FAM117B: variants seen among roughly 807,000 people sequenced by gnomAD.
FAM117B encodes the protein family with sequence similarity 117 member B, also known as protein FAM117B.
A neutral mutation model predicts 52.8 loss-of-function variants in FAM117B; 22 were observed. The observed-to-expected ratio is 0.42, with a 90% CI of 0.30 to 0.59. The LOEUF (loss-of-function observed/expected upper bound fraction) is 0.59, where lower values mean the gene tolerates loss of function less well. Ranked by LOEUF, FAM117B falls within the 20% of genes least tolerant of loss-of-function variation. FAM117B has a pLI of 0.22. For synonymous variants in FAM117B, 309 were observed against 324.1 expected (o/e 0.95, Z 0.50); for missense variants, 678 against 802.6 (o/e 0.84, Z 1.88).
intron 1 of FAM117B, among the ~76,000 whole-genome samples, chr2:202,688,011 A>G (rs1289671714): frequency 6.6e-6 from 1 of 152,174 alleles, no homozygotes; most frequent in Non-Finnish European, 1.5e-5. Flanking sequence ...GTGGAAATTC[A>G]TTTTTTCCTA....
At chr2:202,747,524 C>G (rs1691652607) in intron 4 of FAM117B, among the ~76,000 whole-genome samples, 1 of 151,950 alleles carries the variant, frequency 6.6e-6, no homozygotes, top group Non-Finnish European at 1.5e-5. Flanking sequence ...AAAACCTACC[C>G]ATTCCAATTT....
At chr2:202,755,408 ACT>A in intron 4 of FAM117B, 128 bp from the exon 5 acceptor site, 2 of 1,073,746 alleles carry the variant, frequency 1.9e-6, no homozygotes, top group Non-Finnish European at 2.7e-6. Context: ...AGGTTTGGTC[ACT>A]CACACTTTTT....
At chr2:202,671,711 T>C (rs1305171725) in intron 1 of FAM117B, among the ~76,000 whole-genome samples, 8 of 152,262 alleles carry the variant, frequency 5.3e-5, no homozygotes, top group Admixed American at 5.2e-4. Flanking sequence ...AAAATTCCCA[T>C]ATATTGGTAG....
intron 2 of FAM117B, among the ~76,000 whole-genome samples, chr2:202,708,336 T>G (rs1469099604): frequency 6.6e-6 from 1 of 152,232 alleles, no homozygotes; most frequent in African/African-American, 2.4e-5. Flanking sequence ...TTTTTGTGGC[T>G]GACTTATTTC....
intron 4 of FAM117B, among the ~76,000 whole-genome samples, chr2:202,744,452 A>G (rs554574638): frequency 6.6e-6 from 1 of 152,188 alleles, no homozygotes; most frequent in South Asian, 2.1e-4. Context: ...ATCTGCCTCC[A>G]TGTCCCAAAC....
At position 202,755,461 on chromosome 2, in the gene FAM117B, G is replaced by A. The variant is rs1294874813; in HGVS notation, c.961-77G>A. The stretch of plus-strand genomic sequence containing the variant: ...TTTGATTTATTTTTGAGTTACTTAT[G>A]TCTGTTGGAATTACGCTTCAGCCTA... On this transcript the variant is annotated intron_variant, in intron 4 of 7. Coordinates refer to ENST00000392238, the MANE Select transcript of FAM117B (RefSeq NM_173511.4). The A allele has an allele frequency of 2.0e-6, 3 of 1,534,716 alleles. No homozygotes were observed. The Admixed American group carries it at 5.7e-5, about 29-fold the overall frequency.
chr2:202,682,237 C>T (rs1451896201), intron 1 of FAM117B, among the ~76,000 whole-genome samples: 23 of 152,182 alleles, frequency 1.5e-4, no homozygotes, highest in Admixed American at 1.3e-3. Flanking sequence ...TCAGATGCCA[C>T]GAATGTGGGT....
chr2:202,697,549 C>CT (rs555378964), intron 2 of FAM117B, among the ~76,000 whole-genome samples: 1,545 of 137,434 alleles, frequency 0.011, 25 homozygotes, highest in African/African-American at 0.036. Flanking sequence ...TTTTTTCTTT[C>CT]TTTTTTTTTT....
rs763129785 is a variant in FAM117B, at chr2:202,726,244, T to C, written c.847-6T>C. Reference sequence around the variant, plus strand: ...TCTGGTGTACTTGCTATTTTTGCTTTCTCAGATTGCAAAATTACGCCAGCA... The same window carrying C: ...TCTGGTGTACTTGCTATTTTTGCTTCCTCAGATTGCAAAATTACGCCAGCA... On this transcript the variant is annotated splice_region_variant and splice_polypyrimidine_tract_variant and intron_variant, in intron 3 of 7. Transcript: ENST00000392238. The C allele has an allele frequency of 6.2e-7, 1 of 1,609,748 alleles. No individual in the cohort carries two copies. The highest frequency in any genetic ancestry group is 2.2e-5 in the East Asian group (1 of 44,774).
chr2:202,764,823 T>C (rs1376750125), intron 7 of FAM117B, among the ~76,000 whole-genome samples: 1 of 152,264 alleles, frequency 6.6e-6, no homozygotes, highest in Non-Finnish European at 1.5e-5. Flanking sequence ...GTTTTCATTT[T>C]GATTTCACAT....
At chr2:202,662,266 T>A (rs968086740) in intron 1 of FAM117B, among the ~76,000 whole-genome samples, 1 of 152,090 alleles carries the variant, frequency 6.6e-6, no homozygotes, top group Non-Finnish European at 1.5e-5. Flanking sequence ...ATTATTATAT[T>A]AAGTGAAATA....
intron 2 of FAM117B, among the ~76,000 whole-genome samples, chr2:202,712,441 T>G (rs1690972903): frequency 8.5e-6 from 1 of 116,962 alleles, no homozygotes; most frequent in Admixed American, 9.2e-5. Context: ...TTTTTTTTTT[T>G]GTGCGTGTGG....
At chr2:202,752,416 C>CTTTT (rs57518801) in intron 4 of FAM117B, among the ~76,000 whole-genome samples, 1 of 136,728 alleles carries the variant, frequency 7.3e-6, no homozygotes, top group African/African-American at 2.7e-5. Flanking sequence ...TATGCTTTTT[C>CTTTT]TTTTTTTTTT....
In FAM117B at chr2:202,703,693, A is replaced by G. The variant is rs529605525; in HGVS notation, c.753+7661A>G. ...TGGGTGAATAATATTCCATTTATCA[A>G]TATACCACATTTTGTTTACCTGTTA... On this transcript the variant is annotated intron_variant, in intron 2 of 7. Coordinates refer to ENST00000392238, the MANE Select transcript of FAM117B (RefSeq NM_173511.4). Among the ~76,000 whole-genome samples the G allele has an allele frequency of 1.1e-4, 16 of 152,276 alleles. 1 individual carries two copies. The South Asian group carries it at 2.7e-3, about 26-fold the overall frequency.
At chr2:202,658,494 G>A (rs1690082918) in intron 1 of FAM117B, among the ~76,000 whole-genome samples, 1 of 151,976 alleles carries the variant, frequency 6.6e-6, no homozygotes, top group African/African-American at 2.4e-5. Context: ...TAGAGACAGG[G>A]TTTCACCTTG....
At chr2:202,732,814 C>T (rs1321100528) in intron 4 of FAM117B, among the ~76,000 whole-genome samples, 2 of 148,704 alleles carry the variant, frequency 1.3e-5, no homozygotes, top group Non-Finnish European at 3.0e-5. Flanking sequence ...GAGTGAGACT[C>T]CATCTCAATA....
rs371612526 is a variant in FAM117B, at chr2:202,705,172, G to A, written c.753+9140G>A. 3.9e-5 allele frequency among the ~76,000 whole-genome samples: 6 copies of A among 152,002 alleles called. No individual in the cohort carries two copies. The East Asian group carries it at 1.2e-3, about 30-fold the overall frequency. On this transcript the variant is annotated intron_variant, in intron 2 of 7. Coordinates refer to ENST00000392238, the MANE Select transcript of FAM117B (RefSeq NM_173511.4). ...AAATACAAAATTAGCCGAGTGTGGT[G>A]GCGCATGCCTGTAATCCCAGCTACT...
chr2:202,757,384 A>G lies in FAM117B; in HGVS notation c.1276A>G (p.Ser426Gly), dbSNP rs776682010. The change falls in exon 6 of 8, where the codon AGC becomes GGC. Residue 426 changes from serine to glycine, a missense_variant. By Grantham distance (56) the Ser-to-Gly change is moderately conservative. Coordinates refer to ENST00000392238, the MANE Select transcript of FAM117B (RefSeq NM_173511.4). ...TSFLTISNEG[S>G]EESPCSADDL... is the part of the protein sequence containing the mutation. ...GTTCCTCACCATTTCCAATGAAGGT[A>G]GCGAGGAGAGTCCTTGCTCAGCGGA... 2 of 1,614,140 alleles carry G rather than the reference A, an allele frequency of 1.2e-6. No homozygotes were observed. Among genetic ancestry groups the G allele is most frequent in the Middle Eastern group, 1.6e-4 (1 of 6,062 alleles).
chr2:202,643,931 A>C (rs1423940505), intron 1 of FAM117B, among the ~76,000 whole-genome samples: 1 of 152,084 alleles, frequency 6.6e-6, no homozygotes, highest in Admixed American at 6.6e-5. Flanking sequence ...GCTGGTCTCG[A>C]ACTCCTGGCC....
Sources: gnomAD v4.1 joint callset for allele counts (sites outside exome capture counted in the v4.1 genomes callset) on GRCh38, gnomAD v4.1.1 for gene constraint, MANE v1.5 for transcripts, NCBI Gene and HGNC (gene_info 2026-07-23, HGNC 2026-07-21) for gene names.